Variants in ARID1B observed in about 807,000 individuals in gnomAD.
ARID1B encodes the protein AT-rich interactive domain-containing protein 1B.
ARID1B carries 30 observed loss-of-function variants against 212.3 expected under a neutral mutation model. The observed-to-expected ratio is 0.14, with a 90% CI of 0.11 to 0.19. The LOEUF is 0.19. ARID1B is among the 10% of genes least tolerant of loss of function. The pLI is 1.00. For synonymous variants in ARID1B, 1,402 were observed against 1,301.7 expected, an observed-to-expected ratio of 1.08 and a Z score of -1.66; for missense variants, 2,891 against 3,204.0, an observed-to-expected ratio of 0.90 and a Z score of 2.36.
rs960757501 is a variant in ARID1B at position 157,208,589 on chromosome 6, G to A, written c.*698G>A. ...CACTCCCGTCATGCCTGCTGTCGGCGTTTGACCTTCCACGTGACAGTTCTT... is the reference window on the plus strand; with the variant it reads ...CACTCCCGTCATGCCTGCTGTCGGCATTTGACCTTCCACGTGACAGTTCTT... On this transcript the variant is annotated 3_prime_UTR_variant, in exon 20 of 20. Coordinates refer to ENST00000636930, the MANE Select transcript of ARID1B (RefSeq NM_001374828.1). 1.3e-5 allele frequency: 3 copies of A among 232,460 alleles called. No homozygotes were observed. The highest frequency in any genetic ancestry group is 2.6e-5 in the Non-Finnish European group (3 of 117,516). 14.4% of individuals were successfully genotyped at this position (232,460 alleles called of 1,614,324 possible).
intron 8 of ARID1B, among the ~76,000 whole-genome samples, chr6:157,162,959 C>T (rs1791042072): frequency 6.6e-6 from 1 of 152,198 alleles, no homozygotes; most frequent in South Asian, 2.1e-4. Flanking sequence ...AGCCCGCAGG[C>T]CCCCTGGAAG....
chr6:156,844,560 T>G (rs943861306), intron 2 of ARID1B, among the ~76,000 whole-genome samples: 6 of 152,216 alleles, frequency 3.9e-5, no homozygotes, highest in Non-Finnish European at 8.8e-5. Context: ...CCTTTGGAAA[T>G]AGGAACTTGC....
rs1476818779 is a variant in ARID1B at position 156,830,926 on chromosome 6, T to G, written c.1986+1505T>G. On this transcript the variant is annotated intron_variant, in intron 2 of 19. Transcript: ENST00000636930. ...ATCCTAGTTGCAGATTGAACACCCT[T>G]TGCTGTTGTCAGAGACCTCACTTCT... Among the ~76,000 whole-genome samples, 9 of 152,298 alleles carry G rather than the reference T, an allele frequency of 5.9e-5. No homozygotes were observed. The East Asian group carries it at 1.7e-3, about 29-fold the overall frequency.
chr6:156,984,428 C>T (rs969922082), intron 4 of ARID1B, among the ~76,000 whole-genome samples: 4 of 152,094 alleles, frequency 2.6e-5, no homozygotes, highest in African/African-American at 9.7e-5. Flanking sequence ...AAAAAAAGGG[C>T]GTTCTGGATA....
chr6:157,200,304 C>G lies in ARID1B; in HGVS notation c.4480-401C>G, dbSNP rs1236396605. Among the ~76,000 whole-genome samples, 1 of 152,168 alleles carries G rather than the reference C, an allele frequency of 6.6e-6. No individual in the cohort carries two copies. The highest frequency in any genetic ancestry group is 2.4e-5 in the African/African-American group (1 of 41,454). On this transcript the variant is annotated intron_variant, in intron 17 of 19. Transcript: ENST00000636930. This position sits in a 1 kb window ranked among gnomAD's most constrained non-coding sequence, Gnocchi z 4.3. Reference sequence around the variant, plus strand: ...CAAGAAACCCTTTTACCCCAAGACCCTTTCAGGCCGGCCCCTGGATGCTGG... The same window carrying G: ...CAAGAAACCCTTTTACCCCAAGACCGTTTCAGGCCGGCCCCTGGATGCTGG...
chr6:156,798,613 CAGA>C (rs1780561708), intron 1 of ARID1B, among the ~76,000 whole-genome samples: 1 of 152,202 alleles, frequency 6.6e-6, no homozygotes. Flanking sequence ...CAAATATTTC[CAGA>C]AGATTAGTTT....
chr6:156,781,332 G>T (rs1339325068), intron 1 of ARID1B, among the ~76,000 whole-genome samples: 1 of 151,650 alleles, frequency 6.6e-6, no homozygotes, highest in East Asian at 1.9e-4. Context: ...AGCCTTGTTT[G>T]AACTGCTTAC....
At chr6:156,897,279 A>ATTATTATTC in intron 2 of ARID1B, among the ~76,000 whole-genome samples, 1 of 120,280 alleles carries the variant, frequency 8.3e-6, no homozygotes, top group South Asian at 2.7e-4. Flanking sequence ...TATTATTATT[A>ATTATTATTC]TTATTATTAT....
chr6:156,910,619 G>C (rs1021868747), intron 3 of ARID1B, among the ~76,000 whole-genome samples: 1 of 151,966 alleles, frequency 6.6e-6, no homozygotes, highest in African/African-American at 2.4e-5. Context: ...GGCAAGTCTG[G>C]GATTCATTTA....
chr6:157,006,968 G>C (rs1377667610), intron 4 of ARID1B, among the ~76,000 whole-genome samples: 1 of 152,166 alleles, frequency 6.6e-6, no homozygotes, highest in Non-Finnish European at 1.5e-5. Flanking sequence ...CACACACACA[G>C]ACACGCAAAG....
intron 8 of ARID1B, among the ~76,000 whole-genome samples, chr6:157,157,740 A>G (rs1308862506): frequency 6.6e-6 from 1 of 152,206 alleles, no homozygotes; most frequent in Non-Finnish European, 1.5e-5. Context: ...AAAACCAAAC[A>G]GGCCGGGCAC....
intron 15 of ARID1B, 71 bp from the exon 16 acceptor site, chr6:157,196,094 C>T (rs2128355200): frequency 5.1e-6 from 8 of 1,563,750 alleles, no homozygotes; most frequent in Non-Finnish European, 7.0e-6. Context: ...ATAGAGATGA[C>T]TAGAAGGGAT....
intron 4 of ARID1B, among the ~76,000 whole-genome samples, chr6:156,967,492 A>G (rs766228262): frequency 1.6e-4 from 25 of 152,212 alleles, no homozygotes; most frequent in African/African-American, 5.1e-4. Flanking sequence ...CTGATTTTCA[A>G]TGCTCTGTAA....
chr6:156,788,727 TGCTCTTAAA>T (rs1337046267), intron 1 of ARID1B, among the ~76,000 whole-genome samples: 1 of 152,236 alleles, frequency 6.6e-6, no homozygotes, highest in African/African-American at 2.4e-5. Context: ...GGGTTAGGGC[TGCTCTTAAA>T]TAGTCAAAAC....
intron 4 of ARID1B, among the ~76,000 whole-genome samples, chr6:157,007,075 G>A (rs1779292860): frequency 6.6e-6 from 1 of 152,154 alleles, no homozygotes; most frequent in Non-Finnish European, 1.5e-5. Flanking sequence ...TGGGGACATG[G>A]GAGAACTGTG....
In ARID1B at chr6:156,777,963, G is replaced by A. The variant is rs797045273; in HGVS notation, c.283G>A (p.Gly95Ser). 3 of 1,528,974 alleles carry A rather than the reference G, an allele frequency of 2.0e-6. No individual in the cohort carries two copies. Among genetic ancestry groups the A allele is most frequent in the Admixed American group, 2.0e-5 (1 of 50,316 alleles). The allele number at this position is 1,528,974 out of a possible 1,614,324, so 94.7% of individuals were successfully genotyped here. The change falls in exon 1 of 20, where the codon GGC becomes AGC. Residue 95 changes from glycine (G) to serine (S), a missense_variant. Physicochemically the swap from Gly to Ser is moderately conservative, Grantham distance 56. This residue lies in a region of ARID1B where 1,643 missense variants were observed against 1,544.0 expected (regional missense o/e 1.06). Transcript: ENST00000636930. ...AHNAGAAAAA[G>S]THSAKSGGSE... ...TAACGCGGGCGCCGCGGCCGCCGCC[G>A]GCACCCACAGCGCCAAGAGCGGCGG...
intron 4 of ARID1B, among the ~76,000 whole-genome samples, chr6:157,079,694 G>A (rs1042351700): frequency 3.3e-5 from 5 of 152,098 alleles, no homozygotes; most frequent in Admixed American, 6.5e-5. Flanking sequence ...ATTTGCATGT[G>A]CTGGATTACT....
Position 156,791,256 on chromosome 6 carries a change from T to C in ARID1B, c.1791+11785T>C, listed in dbSNP as rs138115020. ...TTATGAAGAGGAAGGTGTACTAGCA[T>C]GGCTAAACTGGTAAAGCTGAAATCT... On this transcript the variant is annotated intron_variant, in intron 1 of 19. Transcript: ENST00000636930. Among the ~76,000 whole-genome samples, 441 of 152,364 alleles carry C rather than the reference T, an allele frequency of 2.9e-3. 1 individual carries two copies. The highest frequency in any genetic ancestry group is 4.1e-3 in the Non-Finnish European group (279 of 68,030).
At chr6:156,815,748 G>C (rs1305135908) in intron 1 of ARID1B, among the ~76,000 whole-genome samples, 1 of 152,160 alleles carries the variant, frequency 6.6e-6, no homozygotes, top group Non-Finnish European at 1.5e-5. Flanking sequence ...CCTTGTTGTT[G>C]CTGTTACTAT....
Sources: allele counts gnomAD v4.1 joint callset (sites outside exome capture counted in the v4.1 genomes callset), GRCh38; gene constraint gnomAD v4.1.1; regional missense constraint gnomAD v4.1.1; non-coding constraint Gnocchi (gnomAD v3.1); transcripts MANE v1.5; gene names NCBI Gene and HGNC (gene_info 2026-07-23, HGNC 2026-07-21).